Variants in ATG10 observed in about 807,000 individuals in gnomAD.
The protein encoded by ATG10 is ubiquitin-like-conjugating enzyme ATG10.
In ATG10, 30 loss-of-function variants were observed where a neutral mutation model predicts 32.1. That is an observed-to-expected ratio of 0.94 (90% confidence interval 0.70 to 1.27). The LOEUF (loss-of-function observed/expected upper bound fraction) is 1.27, where lower values mean the gene tolerates loss of function less well. Ranked by LOEUF, ATG10 falls within the 50% of genes most tolerant of loss-of-function variation. The pLI, the probability that ATG10 is intolerant of heterozygous loss-of-function variation, is 0.00. For synonymous variants in ATG10, 87 were observed against 91.5 expected, an observed-to-expected ratio of 0.95 and a Z score of 0.28; for missense variants, 233 against 262.3, an observed-to-expected ratio of 0.89 and a Z score of 0.77.
chr5:82,080,315 C>T (rs1764430542), intron 3 of ATG10, among the ~76,000 whole-genome samples: 1 of 152,132 alleles, frequency 6.6e-6, no homozygotes, highest in Non-Finnish European at 1.5e-5. Context: ...TGTAGGTTGC[C>T]TGTTGACTCC....
chr5:82,025,099 C>T (rs923654404), intron 2 of ATG10, among the ~76,000 whole-genome samples: 1 of 152,314 alleles, frequency 6.6e-6, no homozygotes, highest in Admixed American at 6.5e-5. Context: ...GCATGAATGA[C>T]AAGTTTCATT....
At chr5:82,161,746 C>CA (rs1037047415) in intron 3 of ATG10, among the ~76,000 whole-genome samples, 1 of 134,574 alleles carries the variant, frequency 7.4e-6, no homozygotes, top group Admixed American at 7.9e-5. Context: ...GGTATGGTGA[C>CA]ATTTAAAGTC....
chr5:82,049,904 C>A lies in ATG10; in HGVS notation c.109-8591C>A, dbSNP rs772101065. On this transcript the variant is annotated intron_variant, in intron 2 of 7. Transcript: ENST00000282185. Reference sequence around the variant, plus strand: ...TCTCCCTAGTGAACTGTTACTTTTTCTTTCATGGATTGGGTTTTTATTTTA... The same window carrying A: ...TCTCCCTAGTGAACTGTTACTTTTTATTTCATGGATTGGGTTTTTATTTTA... Among the ~76,000 whole-genome samples the A allele has an allele frequency of 1.1e-3, 171 of 152,140 alleles. 1 individual carries two copies. The highest frequency in any genetic ancestry group is 5.7e-3 in the Admixed American group (87 of 15,288).
intron 5 of ATG10, among the ~76,000 whole-genome samples, chr5:82,182,454 A>G (rs1024087082): frequency 1.3e-5 from 2 of 152,106 alleles, no homozygotes; most frequent in African/African-American, 4.8e-5. Flanking sequence ...AATAGCTCAA[A>G]ATGGAAAAAA....
chr5:82,044,183 A>G (rs996411174), intron 2 of ATG10, among the ~76,000 whole-genome samples: 3 of 152,098 alleles, frequency 2.0e-5, no homozygotes, highest in African/African-American at 7.2e-5. Flanking sequence ...GGGGAAGGTG[A>G]AAGGGAAGCA....
intron 3 of ATG10, among the ~76,000 whole-genome samples, chr5:82,131,670 C>A (rs1347843434): frequency 6.6e-6 from 1 of 151,416 alleles, no homozygotes; most frequent in Non-Finnish European, 1.5e-5. Context: ...ACTTTCTAGC[C>A]CTGTGATCTA....
chr5:82,024,350 C>T (rs1394491990), intron 2 of ATG10, among the ~76,000 whole-genome samples: 1 of 152,156 alleles, frequency 6.6e-6, no homozygotes. Flanking sequence ...TTACTCAAAG[C>T]GTGGCCTACA....
At chr5:82,084,307 A>G (rs1764588749) in intron 3 of ATG10, among the ~76,000 whole-genome samples, 1 of 152,212 alleles carries the variant, frequency 6.6e-6, no homozygotes, top group African/African-American at 2.4e-5. Flanking sequence ...AAACAAACAA[A>G]GCCTCCAAGA....
chr5:82,114,489 G>C (rs1765722175), intron 3 of ATG10, among the ~76,000 whole-genome samples: 1 of 151,990 alleles, frequency 6.6e-6, no homozygotes, highest in African/African-American at 2.4e-5. Flanking sequence ...ATTTTTCCTA[G>C]TGTTCATTGT....
Position 82,153,106 on chromosome 5 carries a change from T to C in ATG10, c.217-11293T>C, listed in dbSNP as rs571310979. ...CTGGATAAGGCCTCAAGATGTATTCTTATATTCTTATAGCACTTGCAACAT... is the reference window on the plus strand; with the variant it reads ...CTGGATAAGGCCTCAAGATGTATTCCTATATTCTTATAGCACTTGCAACAT... On this transcript the variant is annotated intron_variant, in intron 3 of 7. Transcript: ENST00000282185. Among the ~76,000 whole-genome samples, 12 of 152,326 alleles carry C rather than the reference T, an allele frequency of 7.9e-5. No individual in the cohort carries two copies. In the East Asian group the frequency reaches 2.3e-3, roughly 29 times the overall value.
intron 2 of ATG10, among the ~76,000 whole-genome samples, chr5:82,038,651 C>T (rs1466070656): frequency 6.6e-6 from 1 of 152,184 alleles, no homozygotes; most frequent in Non-Finnish European, 1.5e-5. Flanking sequence ...CTCTTCCGAG[C>T]AGAAGCTATA....
At chr5:82,203,266 C>T (rs897340723) in intron 5 of ATG10, among the ~76,000 whole-genome samples, 9 of 151,820 alleles carry the variant, frequency 5.9e-5, no homozygotes, top group African/African-American at 2.2e-4. Context: ...TTCCACCTTT[C>T]CAGGTTGTCT....
At chr5:82,064,264 T>C (rs1327117429) in intron 3 of ATG10, among the ~76,000 whole-genome samples, 7 of 152,218 alleles carry the variant, frequency 4.6e-5, no homozygotes, top group South Asian at 2.1e-4. Flanking sequence ...TATTTTACTA[T>C]GGTCCTTGGG....
At chr5:82,088,056 T>G (rs1047247638) in intron 3 of ATG10, among the ~76,000 whole-genome samples, 1 of 152,180 alleles carries the variant, frequency 6.6e-6, no homozygotes, top group Non-Finnish European at 1.5e-5. Flanking sequence ...TGTTGACTCA[T>G]TTCAGTGGTG....
chr5:82,210,026 A>C (rs1207234905), intron 5 of ATG10, among the ~76,000 whole-genome samples: 1 of 152,196 alleles, frequency 6.6e-6, no homozygotes, highest in Non-Finnish European at 1.5e-5. Flanking sequence ...AGTAAATTTT[A>C]AAAATTCCAC....
chr5:82,197,702 T>TTTTC lies in ATG10; in HGVS notation c.453+19133_453+19136dup, dbSNP rs71605825. On this transcript the variant is annotated intron_variant, in intron 5 of 7. Coordinates refer to ENST00000282185, the MANE Select transcript of ATG10 (RefSeq NM_031482.5). ...TATACCTTACCTCTCTGTCCCATTATTTTCTTTCTTTCTTTCTTTCTATCT... is the reference window on the plus strand; with the variant it reads ...TATACCTTACCTCTCTGTCCCATTATTTTCTTTCTTTCTTTCTTTCTTTCTATCT... Among the ~76,000 whole-genome samples, 973 of 147,688 alleles carry TTTTC rather than the reference T, an allele frequency of 6.6e-3. 9 individuals carry two copies. Among genetic ancestry groups the TTTTC allele is most frequent in the East Asian group, 0.019 (97 of 4,988 alleles).
At chr5:82,204,194 G>A (rs191432596) in intron 5 of ATG10, among the ~76,000 whole-genome samples, 1 of 152,202 alleles carries the variant, frequency 6.6e-6, no homozygotes, top group African/African-American at 2.4e-5. Flanking sequence ...TTTTATTTGT[G>A]TAGTGTTTTA....
intron 3 of ATG10, among the ~76,000 whole-genome samples, chr5:82,083,988 G>A (rs935898713): frequency 2.7e-4 from 41 of 152,308 alleles, no homozygotes; most frequent in South Asian, 6.2e-4. Context: ...ACTATGACGC[G>A]TTGAGAGAAG....
intron 2 of ATG10, among the ~76,000 whole-genome samples, chr5:82,031,866 T>C (rs1762751627): frequency 6.6e-6 from 1 of 152,254 alleles, no homozygotes. Flanking sequence ...TACCTCCAAA[T>C]TGTGCTAACT....
Sources: gnomAD v4.1 joint callset for allele counts (sites outside exome capture counted in the v4.1 genomes callset) on GRCh38, gnomAD v4.1.1 for gene constraint, MANE v1.5 for transcripts, NCBI Gene and HGNC (gene_info 2026-07-23, HGNC 2026-07-21) for gene names.